Variants in USH2A observed in about 807,000 individuals in gnomAD.
USH2A encodes the protein usherin.
Under a neutral mutation model 538.9 loss-of-function variants are expected in USH2A, and 443 were observed. The ratio of observed to expected loss-of-function variants is 0.82; its 90% CI spans 0.76 to 0.89. The LOEUF is 0.89. USH2A is among the 40% of genes least tolerant of loss of function. The pLI, the probability that USH2A is intolerant of heterozygous loss-of-function variation, is 0.00. For synonymous variants in USH2A, 2,413 were observed against 2,273.5 expected, an observed-to-expected ratio of 1.06 and a Z score of -1.75; for missense variants, 6,633 against 6,324.8, an observed-to-expected ratio of 1.05 and a Z score of -1.65.
At chr1:215,796,469 C>T (rs1446032733) in intron 50 of USH2A, among the ~76,000 whole-genome samples, 2 of 148,842 alleles carry the variant, frequency 1.3e-5, no homozygotes, top group African/African-American at 4.9e-5. Flanking sequence ...GGTCAATGAC[C>T]TTTGATGTTA....
intron 48 of USH2A, among the ~76,000 whole-genome samples, chr1:215,815,243 T>A (rs1662825687): frequency 6.6e-6 from 1 of 152,124 alleles, no homozygotes. Flanking sequence ...GTGTCTCGTT[T>A]TAGTGTAATA....
intron 47 of USH2A, among the ~76,000 whole-genome samples, chr1:215,827,645 G>A (rs1002308435): frequency 6.6e-6 from 1 of 152,122 alleles, no homozygotes; most frequent in South Asian, 2.1e-4. Context: ...GATTGGATCT[G>A]TACGAATTGC....
At chr1:216,178,357 C>A (rs1024156325) in intron 20 of USH2A, among the ~76,000 whole-genome samples, 1 of 152,126 alleles carries the variant, frequency 6.6e-6, no homozygotes, top group African/African-American at 2.4e-5. Flanking sequence ...TCAAAGATTT[C>A]ATTCTACAAG....
chr1:216,422,457 C>G lies in USH2A; in HGVS notation c.-121G>C. The G allele has an allele frequency of 7.0e-7, 1 of 1,437,848 alleles. No homozygotes were observed. The highest frequency in any genetic ancestry group is 9.6e-7 in the Non-Finnish European group (1 of 1,046,636). 89.1% of individuals were successfully genotyped at this position (1,437,848 alleles called of 1,614,324 possible). A position where few individuals can be genotyped will look rare whatever the true frequency, so the allele number is the denominator to read the frequency against. ...AAGTGATGTTGCGATACTCCATTTT[C>G]TGGAAACTGCAGACACGTTCTCAGA... On this transcript the variant is annotated 5_prime_UTR_variant, in exon 2 of 72. Transcript: ENST00000307340.
intron 38 of USH2A, among the ~76,000 whole-genome samples, chr1:215,924,630 T>C (rs1394059671): frequency 6.6e-6 from 1 of 151,440 alleles, no homozygotes; most frequent in Non-Finnish European, 1.5e-5. Flanking sequence ...AGCTTAAAGT[T>C]ATGGATAAAG....
Position 215,845,934 on chromosome 1 carries a change from T to A in USH2A, c.8945A>T (p.His2982Leu), listed in dbSNP as rs370261062. 5.8e-5 allele frequency: 93 copies of A among 1,613,900 alleles called. No homozygotes were observed. In the South Asian group the frequency reaches 9.6e-4, roughly 17 times the overall value. Residue 2982 changes from histidine (H) to leucine (L), a missense_variant, in exon 45 of 72, where the codon CAT becomes CTT. Transcript: ENST00000307340. ...GTTTGGCTTTAGGTGGCCAATGACA[T>A]GAGAGTTTACATCTGGCAAGATTTT... ...SLKILPDVNS[H>L]VIGHLKPNTE...
intron 46 of USH2A, among the ~76,000 whole-genome samples, chr1:215,843,042 A>C (rs1173804356): frequency 6.6e-6 from 1 of 152,130 alleles, no homozygotes; most frequent in African/African-American, 2.4e-5. Flanking sequence ...AGATATTTTT[A>C]TTTGGTTTTC....
At chr1:216,299,849 C>A (rs958409528) in intron 9 of USH2A, among the ~76,000 whole-genome samples, 1 of 152,024 alleles carries the variant, frequency 6.6e-6, no homozygotes. Flanking sequence ...GATTAATATA[C>A]AGAAGCAAAG....
At chr1:215,682,208 C>T (rs1208342989) in intron 61 of USH2A, among the ~76,000 whole-genome samples, 2 of 151,930 alleles carry the variant, frequency 1.3e-5, no homozygotes, top group African/African-American at 2.4e-5. Context: ...GTAATAGATG[C>T]CAAAAAAGCA....
rs73090762 is a variant in USH2A at position 215,881,277 on chromosome 1, A to G, written c.8224-2179T>C. Among the ~76,000 whole-genome samples the G allele has an allele frequency of 3.8e-3, 581 of 152,214 alleles. 2 individuals are homozygous for G. Among genetic ancestry groups the G allele is most frequent in the African/African-American group, 0.013 (542 of 41,528 alleles). On this transcript the variant is annotated intron_variant, in intron 41 of 71. Coordinates refer to ENST00000307340, the MANE Select transcript of USH2A (RefSeq NM_206933.4). ...TGCTTCAGCCCCCTGAGTGGCTAGG[A>G]GTATACGCGTGTGCTACCACACCCG...
At chr1:216,101,029 C>A (rs552240810) in intron 21 of USH2A, among the ~76,000 whole-genome samples, 1 of 152,290 alleles carries the variant, frequency 6.6e-6, no homozygotes, top group East Asian at 1.9e-4. Flanking sequence ...TTTCCCACAG[C>A]ATTTTCCAAA....
chr1:215,961,021 C>G (rs1405166360), intron 37 of USH2A, among the ~76,000 whole-genome samples: 1 of 151,986 alleles, frequency 6.6e-6, no homozygotes, highest in Non-Finnish European at 1.5e-5. Flanking sequence ...ACACCACAAA[C>G]TAGTTGAGAG....
At chr1:216,413,493 A>AT (rs2039526692) in intron 3 of USH2A, among the ~76,000 whole-genome samples, 1 of 152,078 alleles carries the variant, frequency 6.6e-6, no homozygotes, top group African/African-American at 2.4e-5. Context: ...GTTAAATTGC[A>AT]TTTTGTTTTC....
chr1:215,700,148 G>A (rs1280421594), intron 61 of USH2A, among the ~76,000 whole-genome samples: 1 of 152,148 alleles, frequency 6.6e-6, no homozygotes, highest in Non-Finnish European at 1.5e-5. Context: ...TGCATCCCAG[G>A]GATGAAGCTG....
At chr1:216,132,694 C>T (rs763711061) in intron 21 of USH2A, among the ~76,000 whole-genome samples, 1 of 152,092 alleles carries the variant, frequency 6.6e-6, no homozygotes, top group African/African-American at 2.4e-5. Flanking sequence ...CTATATACAG[C>T]TGGTGTCAGT....
At chr1:216,395,405 C>G (rs2039194117) in intron 3 of USH2A, among the ~76,000 whole-genome samples, 1 of 152,040 alleles carries the variant, frequency 6.6e-6, no homozygotes, top group Non-Finnish European at 1.5e-5. Context: ...ACAATGTCAC[C>G]AATTCAGAAT....
At position 215,702,241 on chromosome 1, in the gene USH2A, T is replaced by C. The variant is rs144357891; in HGVS notation, c.12067-21865A>G. On this transcript the variant is annotated intron_variant, in intron 61 of 71. Coordinates refer to ENST00000307340, the MANE Select transcript of USH2A (RefSeq NM_206933.4). ...AGGTAACCCGACCTTTGTCTCTGGCTGCCCTTAACATTTTTTTCATCATTT... is the reference window on the plus strand; with the variant it reads ...AGGTAACCCGACCTTTGTCTCTGGCCGCCCTTAACATTTTTTTCATCATTT... Among the ~76,000 whole-genome samples the C allele has an allele frequency of 5.9e-3, 900 of 152,320 alleles. 5 individuals are homozygous for C. The highest frequency in any genetic ancestry group is 0.021 in the African/African-American group (864 of 41,572).
intron 11 of USH2A, among the ~76,000 whole-genome samples, chr1:216,259,184 A>T (rs560062433): frequency 1.3e-5 from 2 of 152,252 alleles, no homozygotes; most frequent in South Asian, 4.1e-4. Flanking sequence ...ATTTGGATGG[A>T]GATTAGCAGA....
At chr1:216,175,075 TC>T (rs965321694) in intron 21 of USH2A, 176 bp downstream of exon 21, 21 of 1,441,316 alleles carry the variant, frequency 1.5e-5, no homozygotes, top group Non-Finnish European at 1.8e-5. Flanking sequence ...CTGACTTTTT[TC>T]CCCAGAATTC....
Sources: allele counts gnomAD v4.1 joint callset (sites outside exome capture counted in the v4.1 genomes callset), GRCh38; gene constraint gnomAD v4.1.1; transcripts MANE v1.5; gene names NCBI Gene and HGNC (gene_info 2026-07-23, HGNC 2026-07-21).